The following CAMK1D variants were observed in gnomAD, a reference collection of about 807,000 sequenced individuals.
The protein encoded by CAMK1D is calcium/calmodulin-dependent protein kinase type 1D.
Under a neutral mutation model 47.7 loss-of-function variants are expected in CAMK1D, and 9 were observed. The observed-to-expected ratio is 0.19, with a 90% confidence interval of 0.11 to 0.33. The LOEUF is 0.33. Ranked by LOEUF, CAMK1D falls within the 10% of genes least tolerant of loss-of-function variation. The pLI is 1.00. For synonymous variants in CAMK1D, 184 were observed against 184.9 expected (o/e 0.99, Z 0.04); for missense variants, 291 against 488.7 (o/e 0.60, Z 3.81).
At chr10:12,746,980 T>C (rs147065693) in intron 3 of CAMK1D, among the ~76,000 whole-genome samples, 8 of 152,306 alleles carry the variant, frequency 5.3e-5, no homozygotes, top group Non-Finnish European at 8.8e-5. Context: ...GGTATATAGA[T>C]AGACAAATAA....
At chr10:12,780,620 C>G (rs1437161639) in intron 5 of CAMK1D, among the ~76,000 whole-genome samples, 1 of 152,162 alleles carries the variant, frequency 6.6e-6, no homozygotes, top group Non-Finnish European at 1.5e-5. Flanking sequence ...GCCTCTGTTC[C>G]CAGTCCTTTC....
At chr10:12,747,310 G>A (rs886870910) in intron 3 of CAMK1D, among the ~76,000 whole-genome samples, 8 of 152,104 alleles carry the variant, frequency 5.3e-5, no homozygotes, top group African/African-American at 1.4e-4. Flanking sequence ...GATTACCGGC[G>A]TTTGTTCTTT....
At chr10:12,521,863 C>G (rs998370976) in intron 1 of CAMK1D, among the ~76,000 whole-genome samples, 26 of 150,920 alleles carry the variant, frequency 1.7e-4, no homozygotes, top group Admixed American at 1.6e-3. Flanking sequence ...TGTTCTTGTT[C>G]TGAAGTTTAC....
intron 2 of CAMK1D, among the ~76,000 whole-genome samples, chr10:12,645,649 C>G (rs1364100119): frequency 6.6e-6 from 1 of 152,166 alleles, no homozygotes; most frequent in Non-Finnish European, 1.5e-5. Flanking sequence ...ACCAAGTGCT[C>G]TAGTCCTATG....
intron 1 of CAMK1D, among the ~76,000 whole-genome samples, chr10:12,454,056 G>A (rs11257804): frequency 0.26 from 38,989 of 152,010 alleles, 5,526 homozygotes; most frequent in East Asian, 0.52. Context: ...GGTGTTTATC[G>A]GTCCAGTTTT....
In CAMK1D at chr10:12,484,709, C is replaced by T. The variant is rs555654388; in HGVS notation, c.93-68516C>T. ...GGAAAGTGTCTTCCAGGGGGCAGCTCGTGGAGGAGAGCCTAGCTTGTGGCT... is the reference window on the plus strand; with the variant it reads ...GGAAAGTGTCTTCCAGGGGGCAGCTTGTGGAGGAGAGCCTAGCTTGTGGCT... On this transcript the variant is annotated intron_variant, in intron 1 of 10. Transcript: ENST00000619168. 1.8e-4 allele frequency among the ~76,000 whole-genome samples: 27 copies of T among 151,972 alleles called. 1 individual carries two copies. In the South Asian group the frequency reaches 4.0e-3, roughly 22 times the overall value.
intron 3 of CAMK1D, among the ~76,000 whole-genome samples, chr10:12,693,991 ATAT>A (rs1588802375): frequency 2.8e-5 from 2 of 71,748 alleles, no homozygotes; most frequent in East Asian, 4.4e-4. Context: ...TTATATATAC[ATAT>A]AATATATATA....
intron 1 of CAMK1D, among the ~76,000 whole-genome samples, chr10:12,529,409 G>A (rs1835732575): frequency 6.6e-6 from 1 of 152,172 alleles, no homozygotes; most frequent in South Asian, 2.1e-4. Flanking sequence ...TAATCACCAT[G>A]GAGTGTCTCG....
rs1380452149 is a variant in CAMK1D at position 12,656,396 on chromosome 10, G to A, written c.225-10340G>A. ...GGTCCTAGCTACTTGGGAGACTGAG[G>A]TGGGAGGATCACTTGAGCCTGGGAG... is the stretch of plus-strand genomic sequence containing the variant. On this transcript the variant is annotated intron_variant, in intron 2 of 10. Transcript: ENST00000619168. Among the ~76,000 whole-genome samples, 7 of 152,300 alleles carry A rather than the reference G, an allele frequency of 4.6e-5. No homozygotes were observed. The East Asian group carries it at 1.3e-3, about 29-fold the overall frequency.
At chr10:12,411,371 C>T (rs1839649554) in intron 1 of CAMK1D, among the ~76,000 whole-genome samples, 1 of 152,196 alleles carries the variant, frequency 6.6e-6, no homozygotes, top group Admixed American at 6.5e-5. Flanking sequence ...CCAGCAGAAG[C>T]AGCTCCCTGA....
At chr10:12,687,524 T>C (rs556349130) in intron 3 of CAMK1D, among the ~76,000 whole-genome samples, 2 of 152,326 alleles carry the variant, frequency 1.3e-5, no homozygotes, top group South Asian at 2.1e-4. Context: ...ATGGTGGTGA[T>C]TGGCGTCTAA....
At chr10:12,410,647 G>A (rs1195615283) in intron 1 of CAMK1D, among the ~76,000 whole-genome samples, 1 of 152,176 alleles carries the variant, frequency 6.6e-6, no homozygotes, top group East Asian at 1.9e-4. Flanking sequence ...CACATCCAGT[G>A]TGATGAGGCA....
At chr10:12,458,524 C>T (rs1331490215) in intron 1 of CAMK1D, among the ~76,000 whole-genome samples, 1 of 152,162 alleles carries the variant, frequency 6.6e-6, no homozygotes. Context: ...TCAAGTGATC[C>T]TCCCACCTCA....
intron 3 of CAMK1D, among the ~76,000 whole-genome samples, chr10:12,716,405 C>G (rs1055000879): frequency 1.6e-4 from 25 of 152,304 alleles, no homozygotes; most frequent in Middle Eastern, 3.4e-3. Flanking sequence ...CTCCGGCTTT[C>G]TTGACTTTGC....
At chr10:12,373,593 C>T (rs903322671) in intron 1 of CAMK1D, among the ~76,000 whole-genome samples, 28 of 151,230 alleles carry the variant, frequency 1.9e-4, no homozygotes, top group Non-Finnish European at 2.5e-4. Context: ...GATCGTGCCA[C>T]TGTACTCCAG....
intron 1 of CAMK1D, among the ~76,000 whole-genome samples, chr10:12,405,700 A>G (rs181089445): frequency 6.6e-6 from 1 of 152,354 alleles, no homozygotes; most frequent in Admixed American, 6.5e-5. Context: ...TGGAGCCAGT[A>G]TCTATGAGAC....
At chr10:12,498,034 A>G (rs2132134037) in intron 1 of CAMK1D, among the ~76,000 whole-genome samples, 1 of 152,314 alleles carries the variant, frequency 6.6e-6, no homozygotes, top group African/African-American at 2.4e-5. Context: ...ATCAGATCTC[A>G]TGAAATTTAT....
chr10:12,363,732 G>A (rs7081815), intron 1 of CAMK1D, among the ~76,000 whole-genome samples: 2,398 of 141,908 alleles, frequency 0.017, 61 homozygotes, highest in African/African-American at 0.052. Flanking sequence ...GCAGTGGCAC[G>A]ATCTCCGCTC....
chr10:12,798,758 C>T (rs1838300444), intron 6 of CAMK1D, among the ~76,000 whole-genome samples: 1 of 152,188 alleles, frequency 6.6e-6, no homozygotes, highest in African/African-American at 2.4e-5. Context: ...GTTGATCGAG[C>T]TTTGAACTTT....
Sources: allele counts gnomAD v4.1 joint callset (sites outside exome capture counted in the v4.1 genomes callset), GRCh38; gene constraint gnomAD v4.1.1; transcripts MANE v1.5; gene names NCBI Gene and HGNC (gene_info 2026-07-23, HGNC 2026-07-21).